Variants in LRBA observed in about 807,000 individuals in gnomAD.
LRBA encodes the protein lipopolysaccharide-responsive and beige-like anchor protein.
LRBA carries 176 observed loss-of-function variants against 330.0 expected under a neutral mutation model. The observed-to-expected ratio is 0.53, with a 90% CI of 0.47 to 0.60. The LOEUF is 0.60. LRBA is among the 20% of genes least tolerant of loss of function. LRBA has a pLI of 0.00. For synonymous variants in LRBA, 1,230 were observed against 1,193.0 expected (o/e 1.03, Z -0.64); for missense variants, 3,259 against 3,444.8 (o/e 0.95, Z 1.35).
intron 35 of LRBA, among the ~76,000 whole-genome samples, chr4:150,757,771 T>C (rs553912575): frequency 3.3e-5 from 5 of 152,060 alleles, no homozygotes; most frequent in Non-Finnish European, 7.4e-5. Flanking sequence ...ACACTGTAAA[T>C]AAAGAGAGAA....
chr4:150,318,014 G>C (rs1195296079), intron 50 of LRBA, among the ~76,000 whole-genome samples: 1 of 152,174 alleles, frequency 6.6e-6, no homozygotes, highest in Non-Finnish European at 1.5e-5. Context: ...AGGCATGAAA[G>C]TTTATCTACT....
At chr4:150,735,123 T>G (rs1731014250) in intron 36 of LRBA, 135 bp downstream of exon 36, 2 of 674,456 alleles carry the variant, frequency 3.0e-6, no homozygotes, top group Non-Finnish European at 5.3e-6. Flanking sequence ...CCCATGACTC[T>G]CCTATAAACC....
intron 40 of LRBA, among the ~76,000 whole-genome samples, chr4:150,558,866 G>C (rs1448452697): frequency 6.6e-6 from 1 of 152,046 alleles, no homozygotes; most frequent in African/African-American, 2.4e-5. Flanking sequence ...AGCCTTCAGG[G>C]AGGCAATTTT....
chr4:150,547,982 G>A (rs1382703754), intron 40 of LRBA, among the ~76,000 whole-genome samples: 1 of 152,002 alleles, frequency 6.6e-6, no homozygotes, highest in Admixed American at 6.5e-5. Flanking sequence ...GGGAACAAAT[G>A]GAATGCCTTA....
At chr4:150,677,208 G>T (rs1229456360) in intron 37 of LRBA, among the ~76,000 whole-genome samples, 1 of 151,810 alleles carries the variant, frequency 6.6e-6, no homozygotes, top group Non-Finnish European at 1.5e-5. Context: ...ATAACATAAG[G>T]CTAAAATCTT....
chr4:150,765,502 T>C (rs193040250), intron 34 of LRBA, among the ~76,000 whole-genome samples: 2 of 152,092 alleles, frequency 1.3e-5, no homozygotes, highest in East Asian at 3.9e-4. Context: ...TATGAGTGTG[T>C]AGGGGAAAGG....
chr4:150,774,608 G>A (rs911832352), intron 34 of LRBA, among the ~76,000 whole-genome samples: 1 of 152,182 alleles, frequency 6.6e-6, no homozygotes, highest in African/African-American at 2.4e-5. Flanking sequence ...AAGGATAATT[G>A]CCTCATTGAG....
intron 56 of LRBA, among the ~76,000 whole-genome samples, chr4:150,267,186 A>G (rs1326454479): frequency 6.6e-6 from 1 of 152,272 alleles, no homozygotes; most frequent in Non-Finnish European, 1.5e-5. Flanking sequence ...CGATAAGCCA[A>G]CTGGACCTGA....
chr4:150,445,393 A>C (rs879522908), intron 44 of LRBA, among the ~76,000 whole-genome samples: 9,381 of 140,506 alleles, frequency 0.067, 566 homozygotes, highest in East Asian at 0.19. Flanking sequence ...ATATATATAT[A>C]TATATATATA....
intron 47 of LRBA, among the ~76,000 whole-genome samples, chr4:150,382,505 C>T (rs938617090): frequency 6.6e-6 from 1 of 151,904 alleles, no homozygotes; most frequent in Admixed American, 6.6e-5. Flanking sequence ...TGCCTGTAGT[C>T]GCAGCTACTC....
At chr4:150,640,515 A>G (rs1429748483) in intron 37 of LRBA, among the ~76,000 whole-genome samples, 1 of 152,144 alleles carries the variant, frequency 6.6e-6, no homozygotes, top group Non-Finnish European at 1.5e-5. Flanking sequence ...GAAAAGGTCT[A>G]TTTACTATTC....
Position 150,960,897 on chromosome 4 carries a change from T to C in LRBA, c.217-31832A>G, listed in dbSNP as rs899808377. ...ACTCACAGCCTGTATTAAATACATA[T>C]AACACATTTCTTTCAGTGACTCCTA... On this transcript the variant is annotated intron_variant, in intron 2 of 56. Transcript: ENST00000651943. Among the ~76,000 whole-genome samples, 9 of 149,468 alleles carry C rather than the reference T, an allele frequency of 6.0e-5. 1 individual carries two copies. Among genetic ancestry groups the C allele is most frequent in the African/African-American group, 2.1e-4 (8 of 38,848 alleles).
chr4:150,713,046 C>T (rs1470044624), intron 36 of LRBA, among the ~76,000 whole-genome samples: 1 of 152,032 alleles, frequency 6.6e-6, no homozygotes, highest in Non-Finnish European at 1.5e-5. Context: ...AAGCAATCTG[C>T]CCACCTCAGC....
intron 38 of LRBA, 33 bp from the exon 39 acceptor site, chr4:150,590,892 G>T: frequency 1.9e-6 from 3 of 1,607,154 alleles, no homozygotes; most frequent in Non-Finnish European, 2.5e-6. Context: ...CTGTCCATCA[G>T]TTCTGGGAAG....
chr4:150,976,743 A>C (rs1360359477), intron 2 of LRBA, among the ~76,000 whole-genome samples: 1 of 152,188 alleles, frequency 6.6e-6, no homozygotes, highest in Non-Finnish European at 1.5e-5. Context: ...GGTAAGCAAG[A>C]CAGTCTTGAA....
At chr4:150,762,897 C>A (rs1735288291) in intron 34 of LRBA, among the ~76,000 whole-genome samples, 1 of 151,850 alleles carries the variant, frequency 6.6e-6, no homozygotes, top group Admixed American at 6.6e-5. Context: ...TGCAATTTCA[C>A]CCTAATAGCT....
chr4:150,588,800 A>G (rs1276820057), intron 39 of LRBA, among the ~76,000 whole-genome samples: 3 of 152,132 alleles, frequency 2.0e-5, no homozygotes, highest in Admixed American at 6.5e-5. Context: ...AATGCTTCCA[A>G]ATCTAATATT....
At chr4:150,558,622 C>T (rs1346429267) in intron 40 of LRBA, among the ~76,000 whole-genome samples, 1 of 152,058 alleles carries the variant, frequency 6.6e-6, no homozygotes, top group Non-Finnish European at 1.5e-5. Flanking sequence ...TCCTGGGTTC[C>T]TTTTATTGGA....
intron 16 of LRBA, among the ~76,000 whole-genome samples, chr4:150,894,832 G>C (rs749364398): frequency 3.3e-5 from 5 of 152,004 alleles, no homozygotes; most frequent in Non-Finnish European, 5.9e-5. Flanking sequence ...CACATATATA[G>C]ATCACTATGA....
Sources: gnomAD v4.1 joint callset for allele counts (sites outside exome capture counted in the v4.1 genomes callset) on GRCh38, gnomAD v4.1.1 for gene constraint, MANE v1.5 for transcripts, NCBI Gene and HGNC (gene_info 2026-07-23, HGNC 2026-07-21) for gene names.